The following PSEN1 variants were observed in gnomAD, a reference collection of about 807,000 sequenced individuals.
The protein encoded by PSEN1 is presenilin-1.
A neutral mutation model predicts 53.5 loss-of-function variants in PSEN1; 15 were observed. The ratio of observed to expected loss-of-function variants is 0.28; its 90% CI spans 0.19 to 0.43. The LOEUF (loss-of-function observed/expected upper bound fraction) is 0.43, where lower values mean the gene tolerates loss of function less well. Among genes scored for constraint, PSEN1 ranks in the 20% least tolerant of loss-of-function variants. PSEN1 has a pLI of 1.00. For synonymous variants in PSEN1, 208 were observed against 209.8 expected, an observed-to-expected ratio of 0.99 and a Z score of 0.08; for missense variants, 387 against 571.2, an observed-to-expected ratio of 0.68 and a Z score of 3.29.
intron 11 of PSEN1, among the ~76,000 whole-genome samples, chr14:73,218,120 C>A: frequency 8.9e-6 from 1 of 112,526 alleles, no homozygotes; most frequent in Admixed American, 1.2e-4. Flanking sequence ...GAGACAGAGT[C>A]TTGCTCTGTC....
In PSEN1 at chr14:73,206,475, A is replaced by G. The variant is rs201018520; in HGVS notation, c.955+3A>G. ...AAATTCCAAGTATAATGCAGAAAGT[A>G]GGTAACTTTTATTAGATAATATCTT... is the stretch of plus-strand genomic sequence containing the variant. On this transcript the variant is annotated splice_donor_region_variant and intron_variant, in intron 9 of 11. Transcript: ENST00000324501. The G allele has an allele frequency of 4.4e-6, 7 of 1,603,736 alleles. No individual in the cohort carries two copies. The Middle Eastern group carries it at 5.0e-4, about 113-fold the overall frequency.
chr14:73,210,403 T>TA (rs373672675), intron 9 of PSEN1, among the ~76,000 whole-genome samples: 1 of 152,348 alleles, frequency 6.6e-6, no homozygotes, highest in African/African-American at 2.4e-5. Context: ...CAGGAAGAGT[T>TA]ACATTTGCGT....
At chr14:73,138,474 C>T (rs1402455502) in intron 1 of PSEN1, among the ~76,000 whole-genome samples, 1 of 151,144 alleles carries the variant, frequency 6.6e-6, no homozygotes, top group Non-Finnish European at 1.5e-5. Context: ...CCGCCTCGGC[C>T]TCCCAGAGTG....
intron 8 of PSEN1, among the ~76,000 whole-genome samples, chr14:73,205,878 A>G (rs1594750122): frequency 6.6e-6 from 1 of 152,218 alleles, no homozygotes; most frequent in Non-Finnish European, 1.5e-5. Flanking sequence ...CCTCTTGACT[A>G]TCCCTATTAT....
chr14:73,205,748 C>T (rs1899429259), intron 8 of PSEN1, among the ~76,000 whole-genome samples: 1 of 152,080 alleles, frequency 6.6e-6, no homozygotes, highest in Non-Finnish European at 1.5e-5. Flanking sequence ...AGAGAAGCAC[C>T]ATTTTAAAGT....
chr14:73,187,967 T>A (rs1300386964), intron 6 of PSEN1, among the ~76,000 whole-genome samples: 2 of 152,106 alleles, frequency 1.3e-5, no homozygotes, highest in African/African-American at 4.8e-5. Flanking sequence ...CTCACGCTGT[T>A]GCCCAGGCTG....
At chr14:73,211,721 T>C (rs202211178) in intron 9 of PSEN1, 48 bp from the exon 10 acceptor site, 1 of 1,602,338 alleles carries the variant, frequency 6.2e-7, no homozygotes, top group African/African-American at 1.3e-5. Flanking sequence ...CTTAAAGGTA[T>C]TAAATTTTTC....
intron 3 of PSEN1, 137 bp downstream of exon 3, chr14:73,148,243 G>T: frequency 1.3e-6 from 1 of 752,068 alleles, no homozygotes; most frequent in Non-Finnish European, 2.3e-6. Flanking sequence ...GTGAACTTCA[G>T]CTGATTGCTG....
In PSEN1 at chr14:73,170,682, T is replaced by C. The variant is rs999037937; in HGVS notation, c.88-115T>C. On this transcript the variant is annotated intron_variant, in intron 3 of 11. Transcript: ENST00000324501. Reference sequence around the variant, plus strand: ...ATACTTCCTGTACATTGTTTTTTCTTGCTTCAGGTTTTTAGAACTCATAGT... The same window carrying C: ...ATACTTCCTGTACATTGTTTTTTCTCGCTTCAGGTTTTTAGAACTCATAGT... The C allele has an allele frequency of 1.1e-5, 12 of 1,122,240 alleles. No individual in the cohort carries two copies. The African/African-American group carries it at 1.7e-4, about 16-fold the overall frequency. 69.5% of individuals were successfully genotyped at this position (1,122,240 alleles called of 1,614,324 possible).
rs544420200 is a variant in PSEN1 at position 73,185,095 on chromosome 14, G to A, written c.481-1758G>A. 9.9e-5 allele frequency among the ~76,000 whole-genome samples: 15 copies of A among 151,116 alleles called. No homozygotes were observed. In the East Asian group the frequency reaches 2.8e-3, roughly 28 times the overall value. On this transcript the variant is annotated intron_variant, in intron 5 of 11. Coordinates refer to ENST00000324501, the MANE Select transcript of PSEN1 (RefSeq NM_000021.4). Reference sequence around the variant, plus strand: ...TCACTTCCTAGGTGGGATGGCGGCCGGGCGGAGACGCTCCTCACTTTCCAG... The same window carrying A: ...TCACTTCCTAGGTGGGATGGCGGCCAGGCGGAGACGCTCCTCACTTTCCAG...
In PSEN1 at chr14:73,222,552, A is replaced by T. The variant is rs974005569; in HGVS notation, c.*3263A>T. 4.6e-5 allele frequency: 7 copies of T among 152,204 alleles called. No homozygotes were observed. Among genetic ancestry groups the T allele is most frequent in the African/African-American group, 1.7e-4 (7 of 41,450 alleles). The allele number at this position is 152,204 out of a possible 1,614,324, so 9.4% of individuals were successfully genotyped here. On this transcript the variant is annotated 3_prime_UTR_variant, in exon 12 of 12. Transcript: ENST00000324501. ...TTGATCATTTGTGATCTAACCCTGGAAGAAAAAGAGCTCAGAAACCACTAT... is the reference window on the plus strand; with the variant it reads ...TTGATCATTTGTGATCTAACCCTGGTAGAAAAAGAGCTCAGAAACCACTAT...
intron 5 of PSEN1, among the ~76,000 whole-genome samples, chr14:73,183,931 C>A (rs1350122564): frequency 1.5e-5 from 2 of 137,046 alleles, no homozygotes; most frequent in African/African-American, 2.9e-5. Context: ...GGGGGGCTGA[C>A]CCCCCCACCT....
intron 3 of PSEN1, among the ~76,000 whole-genome samples, chr14:73,156,518 A>G (rs190415820): frequency 1.5e-4 from 23 of 152,302 alleles, no homozygotes; most frequent in Admixed American, 9.8e-4. Flanking sequence ...GCCTCAAAAT[A>G]ATACTGGAGT....
intron 3 of PSEN1, among the ~76,000 whole-genome samples, chr14:73,158,040 A>T (rs1406764879): frequency 2.0e-5 from 3 of 151,570 alleles, no homozygotes; most frequent in African/African-American, 7.3e-5. Context: ...CAGCATAATT[A>T]TTTTGAAATT....
intron 8 of PSEN1, among the ~76,000 whole-genome samples, chr14:73,205,335 C>T (rs1899409569): frequency 6.6e-6 from 1 of 151,814 alleles, no homozygotes; most frequent in Non-Finnish European, 1.5e-5. Context: ...AAAAATTAGC[C>T]AGGCATGGTG....
chr14:73,213,979 G>A (rs933581350), intron 10 of PSEN1, among the ~76,000 whole-genome samples: 1 of 152,066 alleles, frequency 6.6e-6, no homozygotes, highest in Non-Finnish European at 1.5e-5. Flanking sequence ...CTACTCCTAG[G>A]TATATACTCA....
chr14:73,151,384 G>A (rs1181886269), intron 3 of PSEN1, among the ~76,000 whole-genome samples: 3 of 152,128 alleles, frequency 2.0e-5, no homozygotes, highest in Non-Finnish European at 2.9e-5. Flanking sequence ...ATGGATCTTA[G>A]AACTATTTTA....
chr14:73,136,817 G>T (rs1176013145), intron 1 of PSEN1: 1 of 152,658 alleles, frequency 6.6e-6, no homozygotes, highest in Non-Finnish European at 1.5e-5. Flanking sequence ...GCCTTGGTCC[G>T]GAAATGCTGT....
chr14:73,153,764 G>A (rs1181854921), intron 3 of PSEN1, among the ~76,000 whole-genome samples: 1 of 147,380 alleles, frequency 6.8e-6, no homozygotes, highest in East Asian at 2.0e-4. Flanking sequence ...CCAGGCTGGA[G>A]TTCAGTTGTG....
Sources: gnomAD v4.1 joint callset for allele counts (sites outside exome capture counted in the v4.1 genomes callset) on GRCh38, gnomAD v4.1.1 for gene constraint, MANE v1.5 for transcripts, NCBI Gene and HGNC (gene_info 2026-07-23, HGNC 2026-07-21) for gene names.